KLHL1: variants seen among roughly 807,000 people sequenced by gnomAD.
KLHL1 encodes kelch like family member 1.
A neutral mutation model predicts 77.7 loss-of-function variants in KLHL1; 47 were observed. That is an observed-to-expected ratio of 0.60 (90% CI 0.48 to 0.77). The LOEUF (loss-of-function observed/expected upper bound fraction) is 0.77. KLHL1 is among the 30% of genes least tolerant of loss of function. KLHL1 has a pLI of 0.00. For missense variants in KLHL1, 925 were observed against 910.8 expected (o/e 1.02, Z -0.20); for synonymous variants, 360 against 325.2 (o/e 1.11, Z -1.15).
chr13:70,094,393 T>TTATATA lies in KLHL1; in HGVS notation c.497+12804_497+12809dup, dbSNP rs369471818. On this transcript the variant is annotated intron_variant, in intron 1 of 10. Coordinates refer to ENST00000377844, the MANE Select transcript of KLHL1 (RefSeq NM_020866.3). ...TGAAACAAATACAATGCAATCATCT[T>TTATATA]TATATATATATATATATGAATATAT... 3.4e-4 allele frequency among the ~76,000 whole-genome samples: 46 copies of TTATATA among 137,228 alleles called. 1 individual carries two copies. Among genetic ancestry groups the TTATATA allele is most frequent in the African/African-American group, 1.3e-3 (42 of 31,666 alleles). The allele number at this position is 137,228 out of a possible 152,430, so 90.0% of individuals were successfully genotyped here. A position where few individuals can be genotyped will look rare whatever the true frequency, so the allele number is the denominator to read the frequency against.
At chr13:69,752,939 G>C (rs909180109) in intron 7 of KLHL1, among the ~76,000 whole-genome samples, 3 of 152,146 alleles carry the variant, frequency 2.0e-5, no homozygotes, top group African/African-American at 7.2e-5. Flanking sequence ...ACCATTTCTG[G>C]AGAGTGACTA....
At chr13:69,798,235 GC>G in intron 6 of KLHL1, among the ~76,000 whole-genome samples, 2 of 152,196 alleles carry the variant, frequency 1.3e-5, no homozygotes, top group East Asian at 3.9e-4. Flanking sequence ...TTTCACTTAA[GC>G]ACTGATGATC....
chr13:69,925,687 T>A (rs1882792565), intron 4 of KLHL1, among the ~76,000 whole-genome samples: 1 of 74,636 alleles, frequency 1.3e-5, no homozygotes, highest in Admixed American at 1.4e-4. Flanking sequence ...AACTCTAACA[T>A]TTGAAGTTTT....
At chr13:70,046,915 A>G (rs768012960) in intron 1 of KLHL1, among the ~76,000 whole-genome samples, 3 of 152,182 alleles carry the variant, frequency 2.0e-5, no homozygotes, top group African/African-American at 7.2e-5. Flanking sequence ...AGATTATTGT[A>G]TTTGATCCTC....
intron 4 of KLHL1, among the ~76,000 whole-genome samples, chr13:69,925,543 T>C (rs9317847): frequency 0.37 from 56,473 of 151,988 alleles, 10,985 homozygotes; most frequent in Non-Finnish European, 0.43. Flanking sequence ...CATGTGAACA[T>C]TGACACTGTT....
At chr13:70,023,808 A>G (rs1018372325) in intron 1 of KLHL1, among the ~76,000 whole-genome samples, 1 of 151,860 alleles carries the variant, frequency 6.6e-6, no homozygotes, top group Non-Finnish European at 1.5e-5. Context: ...ATGGTTCTTC[A>G]GATTTAAAAA....
Position 69,796,782 on chromosome 13 carries a change from G to A in KLHL1, c.1595C>T (p.Thr532Ile). 6.8e-6 allele frequency: 11 copies of A among 1,614,068 alleles called. No individual in the cohort carries two copies. The highest frequency in any genetic ancestry group is 9.3e-6 in the Non-Finnish European group (11 of 1,179,974). The change falls in exon 7 of 11, where the codon ACA becomes ATA. Residue 532 changes from threonine (T) to isoleucine (I), a missense_variant. Transcript: ENST00000377844. ...TGACATTGGTGGTAAGACAGTCCAT[G>A]TCTTGGTTTTGGGATTGTAACATTC... ...TVECYNPKTK[T>I]WTVLPPMSTH... is the part of the protein sequence containing the mutation.
At chr13:69,945,365 T>C (rs1883492295) in intron 3 of KLHL1, among the ~76,000 whole-genome samples, 1 of 151,616 alleles carries the variant, frequency 6.6e-6, no homozygotes, top group Admixed American at 6.6e-5. Context: ...ATGGAGAAAC[T>C]AGACTTCATA....
At chr13:69,926,087 T>C (rs973467068) in intron 4 of KLHL1, among the ~76,000 whole-genome samples, 1 of 152,230 alleles carries the variant, frequency 6.6e-6, no homozygotes, top group Admixed American at 6.5e-5. Flanking sequence ...TTGTAAATAT[T>C]ATCCCAATAA....
chr13:69,934,473 G>C (rs1015920790), intron 4 of KLHL1, among the ~76,000 whole-genome samples: 3 of 151,974 alleles, frequency 2.0e-5, no homozygotes, highest in Non-Finnish European at 1.5e-5. Flanking sequence ...AATTATGTGA[G>C]TGGGTGTATA....
Position 69,813,503 on chromosome 13 carries a change from C to CACACACACACACACACACATAT in KLHL1, c.1415-16542_1415-16541insATATGTGTGTGTGTGTGTGTGT, listed in dbSNP as rs34163072. 1.6e-3 allele frequency among the ~76,000 whole-genome samples: 232 copies of CACACACACACACACACACATAT among 148,902 alleles called. 1 individual carries two copies. Among genetic ancestry groups the CACACACACACACACACACATAT allele is most frequent in the African/African-American group, 5.5e-3 (220 of 40,222 alleles). Reference sequence around the variant, plus strand: ...ACATACACACACACACACACACACACATATATATATATATAAAGACCCTAG... The same window carrying CACACACACACACACACACATAT: ...ACATACACACACACACACACACACACACACACACACACACACACATATATATATATATATATAAAGACCCTAG... On this transcript the variant is annotated intron_variant, in intron 6 of 10. Coordinates refer to ENST00000377844, the MANE Select transcript of KLHL1 (RefSeq NM_020866.3).
At position 69,842,824 on chromosome 13, in the gene KLHL1, G is replaced by GTA. The variant is rs142437506; in HGVS notation, c.1228-3664_1228-3663dup. Among the ~76,000 whole-genome samples, 32 of 151,776 alleles carry GTA rather than the reference G, an allele frequency of 2.1e-4. No individual in the cohort carries two copies. In the East Asian group the frequency reaches 6.0e-3, roughly 29 times the overall value. On this transcript the variant is annotated intron_variant, in intron 5 of 10. Transcript: ENST00000377844. ...TGGGTTAATGAATAAAGAAAATGTG[G>GTA]TATATATACACAATAGAATGCTACT...
rs117110832 is a variant in KLHL1, at chr13:70,062,081, C to A, written c.497+45122G>T. ...TTGTAATTTTGTATTCCTTAACCAGCCTCTCCCCATCTTCCTGTCTCCGTT... is the reference window on the plus strand; with the variant it reads ...TTGTAATTTTGTATTCCTTAACCAGACTCTCCCCATCTTCCTGTCTCCGTT... On this transcript the variant is annotated intron_variant, in intron 1 of 10. Transcript: ENST00000377844. 4.2e-3 allele frequency among the ~76,000 whole-genome samples: 639 copies of A among 152,248 alleles called. 3 individuals carry two copies. The highest frequency in any genetic ancestry group is 7.0e-3 in the Non-Finnish European group (476 of 68,024).
intron 1 of KLHL1, among the ~76,000 whole-genome samples, chr13:70,021,825 A>C (rs1445956182): frequency 6.6e-6 from 1 of 151,810 alleles, no homozygotes; most frequent in Non-Finnish European, 1.5e-5. Flanking sequence ...ATTTTTAAGA[A>C]ATTGGTTTTT....
chr13:69,899,197 G>T (rs1267927292), intron 4 of KLHL1, among the ~76,000 whole-genome samples: 1 of 152,082 alleles, frequency 6.6e-6, no homozygotes, highest in Non-Finnish European at 1.5e-5. Flanking sequence ...GATTCGACTC[G>T]ATTTGTTGCA....
chr13:69,991,079 A>G (rs774434628), intron 1 of KLHL1, among the ~76,000 whole-genome samples: 1 of 152,046 alleles, frequency 6.6e-6, no homozygotes, highest in Non-Finnish European at 1.5e-5. Context: ...AAATTAAAAC[A>G]GAAATGAAGA....
At chr13:69,949,107 T>C (rs1883622671) in intron 3 of KLHL1, among the ~76,000 whole-genome samples, 1 of 151,938 alleles carries the variant, frequency 6.6e-6, no homozygotes, top group Non-Finnish European at 1.5e-5. Flanking sequence ...ATTATTAACA[T>C]CTTACATTCG....
At chr13:69,838,127 C>A (rs1178636555) in intron 6 of KLHL1, among the ~76,000 whole-genome samples, 1 of 148,894 alleles carries the variant, frequency 6.7e-6, no homozygotes, top group Non-Finnish European at 1.5e-5. Flanking sequence ...CCTGCAGCTA[C>A]AATTTTGAAA....
chr13:69,969,469 T>C (rs9317855), intron 2 of KLHL1, among the ~76,000 whole-genome samples: 93,248 of 151,806 alleles, frequency 0.61, 28,691 homozygotes, highest in South Asian at 0.65. Flanking sequence ...TAAATCATTG[T>C]ATGATACAAA....
Sources: gnomAD v4.1 joint callset for allele counts (sites outside exome capture counted in the v4.1 genomes callset) on GRCh38, gnomAD v4.1.1 for gene constraint, MANE v1.5 for transcripts, NCBI Gene and HGNC (gene_info 2026-07-23, HGNC 2026-07-21) for gene names.